The following SMIM27 variants were observed in gnomAD, a reference collection of about 807,000 sequenced individuals.
SMIM27 encodes TOPORS antisense RNA 1 (non-protein coding).
SMIM27 carries 3 observed loss-of-function variants against 1.8 expected under a neutral mutation model. The ratio of observed to expected loss-of-function variants is 1.65; its 90% confidence interval spans 0.75 to 4.28. SMIM27 has a LOEUF of 4.28. Ranked by LOEUF, SMIM27 falls within the 30% of genes most tolerant of loss-of-function variation. The pLI is 0.02. For missense variants in SMIM27, 63 were observed against 37.0 expected, an observed-to-expected ratio of 1.70 and a Z score of -1.83; for synonymous variants, 19 against 13.9, an observed-to-expected ratio of 1.37 and a Z score of -0.82.
intron 1 of SMIM27, among the ~76,000 whole-genome samples, chr9:32,559,601 T>C (rs1273799874): frequency 6.6e-6 from 1 of 152,170 alleles, no homozygotes; most frequent in East Asian, 1.9e-4. Context: ...ACTTCATGAT[T>C]CCTCTACCTG....
chr9:32,551,860 C>T, upstream of SMIM27: 1 of 424,864 alleles, frequency 2.4e-6, no homozygotes, highest in Non-Finnish European at 4.8e-6. Context: ...CTATACGTTT[C>T]TGAAGAATGG....
chr9:32,554,539 A>G (rs1476659265), downstream of SMIM27, among the ~76,000 whole-genome samples: 1 of 152,202 alleles, frequency 6.6e-6, no homozygotes, highest in African/African-American at 2.4e-5. Context: ...AGTTTCAGCC[A>G]TGTGTTTAAG....
chr9:32,566,494 T>G, exon 2 of SMIM27: 1 of 785,520 alleles, frequency 1.3e-6, no homozygotes, highest in Non-Finnish European at 2.3e-6. Context: ...GCAGGAGAAC[T>G]AGCCTTCCGG....
At chr9:32,551,881 A>G, upstream of SMIM27, 1 of 397,816 alleles carries the variant, frequency 2.5e-6, no homozygotes, top group Non-Finnish European at 5.2e-6. Context: ...CTCGATTTAC[A>G]GGGGTTCCCA....
At chr9:32,555,648 G>T (rs533911826), downstream of SMIM27, among the ~76,000 whole-genome samples, 28 of 152,290 alleles carry the variant, frequency 1.8e-4, 1 homozygote, top group Non-Finnish European at 3.1e-4. Flanking sequence ...ACAGAATCCT[G>T]CCAGAATGTT....
At chr9:32,553,160 C>A, downstream of SMIM27, 1 of 376,092 alleles carries the variant, frequency 2.7e-6, no homozygotes, top group Non-Finnish European at 4.7e-6. Context: ...ATAAGCTTTT[C>A]AATCAAGTTT....
chr9:32,551,382 C>T (rs1038793382), upstream of SMIM27: 2 of 335,858 alleles, frequency 6.0e-6, no homozygotes, highest in Admixed American at 4.1e-5. Flanking sequence ...TGTACGCCTC[C>T]CGGAAGCAAC....
chr9:32,552,161 T>C, upstream of SMIM27: 1 of 426,816 alleles, frequency 2.3e-6, no homozygotes. Flanking sequence ...GGTACGCCTA[T>C]CTCCTTAGTT....
downstream of SMIM27, chr9:32,553,590 T>C (rs558360336): frequency 4.2e-4 from 151 of 360,764 alleles, no homozygotes; most frequent in Non-Finnish European, 6.1e-4. Flanking sequence ...TTAGTGTAAG[T>C]ACTGTGTAAG....
chr9:32,562,221 C>A (rs1184308968), intron 1 of SMIM27, among the ~76,000 whole-genome samples: 2 of 152,180 alleles, frequency 1.3e-5, no homozygotes, highest in Non-Finnish European at 2.9e-5. Context: ...TATCTTCCAA[C>A]TTTACTATAA....
chr9:32,566,786 G>T, exon 2 of SMIM27: 1 of 914,208 alleles, frequency 1.1e-6, no homozygotes, highest in Non-Finnish European at 1.8e-6. Context: ...TCTGGCTGAC[G>T]TTGTACAGGA....
chr9:32,552,368 G>A lies in SMIM27; in HGVS notation c.-67G>A, dbSNP rs1219261689. ...TGGCTGCTGGCGCCTGGCAGCCACC[G>A]CCTGGGAGGTTACTGTAAGGCCCGC... On this transcript the variant is annotated 5_prime_UTR_variant, in exon 1 of 2. Transcript: ENST00000692500. 1.3e-6 allele frequency: 2 copies of A among 1,592,244 alleles called. No homozygotes were observed. Among genetic ancestry groups the A allele is most frequent in the Admixed American group, 3.5e-5 (2 of 57,088 alleles).
intron 1 of SMIM27, among the ~76,000 whole-genome samples, chr9:32,563,491 C>CTTTTTTT (rs111646430): frequency 3.3e-5 from 3 of 92,004 alleles, no homozygotes; most frequent in African/African-American, 4.4e-5. Context: ...GACTATTGGG[C>CTTTTTTT]TTTTTTTTTT....
chr9:32,555,150 T>C (rs1821422711), downstream of SMIM27, among the ~76,000 whole-genome samples: 1 of 151,710 alleles, frequency 6.6e-6, no homozygotes, highest in Admixed American at 6.6e-5. Context: ...TGGTGGCTCA[T>C]GCCTGTAATC....
At chr9:32,563,307 A>C (rs1821680707) in intron 1 of SMIM27, among the ~76,000 whole-genome samples, 1 of 152,080 alleles carries the variant, frequency 6.6e-6, no homozygotes. Flanking sequence ...AAGTATTTTA[A>C]AATTAGTATT....
upstream of SMIM27, chr9:32,551,807 G>A: frequency 2.2e-6 from 1 of 451,338 alleles, no homozygotes; most frequent in Non-Finnish European, 4.5e-6. Flanking sequence ...CATTATGGCG[G>A]GTAACGCGTC....
intron 1 of SMIM27, 104 bp from the exon 2 acceptor site, chr9:32,552,697 C>CTT: frequency 1.5e-6 from 1 of 656,200 alleles, no homozygotes; most frequent in Non-Finnish European, 2.8e-6. Context: ...ATTTATTCGA[C>CTT]TTTGTTACTT....
chr9:32,565,991 AC>A, intron 1 of SMIM27, among the ~76,000 whole-genome samples: 1 of 152,014 alleles, frequency 6.6e-6, no homozygotes, highest in Non-Finnish European at 1.5e-5. Flanking sequence ...AAACAAACAA[AC>A]AATGATTCAG....
At chr9:32,553,729 C>A, downstream of SMIM27, 1 of 591,544 alleles carries the variant, frequency 1.7e-6, no homozygotes. Context: ...TTAAATTACT[C>A]AGTCTCAAAT....
Sources: gnomAD v4.1 joint callset for allele counts (sites outside exome capture counted in the v4.1 genomes callset) on GRCh38, gnomAD v4.1.1 for gene constraint, MANE v1.5 for transcripts, NCBI Gene and HGNC (gene_info 2026-07-23, HGNC 2026-07-21) for gene names.